FRMD6: variants seen among roughly 807,000 people sequenced by gnomAD.
FRMD6 encodes FERM domain containing 6.
In FRMD6, 37 loss-of-function variants were observed where a neutral mutation model predicts 73.2. The ratio of observed to expected loss-of-function variants is 0.51; its 90% CI spans 0.39 to 0.66. The LOEUF (loss-of-function observed/expected upper bound fraction) is 0.66, where lower values mean the gene tolerates loss of function less well. Ranked by LOEUF, FRMD6 falls within the 30% of genes least tolerant of loss-of-function variation. The probability of loss-of-function intolerance (pLI) is 0.00; values close to 1 mark genes in which losing one functional copy is unlikely to be tolerated. For missense variants in FRMD6, 714 were observed against 780.5 expected (o/e 0.91, Z 1.02); for synonymous variants, 273 against 282.2 (o/e 0.97, Z 0.33).
the FRMD6 span, among the ~76,000 whole-genome samples, chr14:51,469,015 A>G: frequency 6.6e-6 from 1 of 151,978 alleles, no homozygotes; most frequent in Admixed American, 6.6e-5. Context: ...ATCTCGGCTC[A>G]CTGCAAGCTT....
At chr14:51,680,852 T>C (rs956910277) in intron 1 of FRMD6, among the ~76,000 whole-genome samples, 5 of 152,206 alleles carry the variant, frequency 3.3e-5, no homozygotes, top group South Asian at 2.1e-4. Context: ...AATAACACTT[T>C]AGTGAGTACT....
At chr14:51,674,399 C>T (rs530983783) in intron 1 of FRMD6, among the ~76,000 whole-genome samples, 2 of 152,132 alleles carry the variant, frequency 1.3e-5, no homozygotes, top group South Asian at 2.1e-4. Context: ...TAGGATTGAG[C>T]GAGTAAGTGA....
chr14:51,726,029 C>G (rs1232648270), intron 13 of FRMD6, among the ~76,000 whole-genome samples, 159 bp downstream of exon 13: 1 of 152,158 alleles, frequency 6.6e-6, no homozygotes, highest in Non-Finnish European at 1.5e-5. Context: ...TTATTTCCAT[C>G]TTATTTGCTA....
intron 1 of FRMD6, among the ~76,000 whole-genome samples, chr14:51,548,433 C>T (rs1470435175): frequency 6.6e-6 from 1 of 152,166 alleles, no homozygotes; most frequent in African/African-American, 2.4e-5. Context: ...TGCGGGTCTG[C>T]AGCATGCAGT....
At chr14:51,498,765 C>T (rs369946272) in intron 1 of FRMD6, among the ~76,000 whole-genome samples, 3 of 152,134 alleles carry the variant, frequency 2.0e-5, no homozygotes, top group Admixed American at 6.5e-5. Context: ...TGACGAAACC[C>T]GGCATCGCAT....
At position 51,570,047 on chromosome 14, in the gene FRMD6, C is replaced by G. The variant is rs186159220; in HGVS notation, c.-209-301C>G. Among the ~76,000 whole-genome samples the G allele has an allele frequency of 6.0e-3, 913 of 152,140 alleles. 6 individuals carry two copies. Among genetic ancestry groups the G allele is most frequent in the Non-Finnish European group, 9.7e-3 (661 of 67,972 alleles). On this transcript the variant is annotated intron_variant, in intron 1 of 14. Transcript: ENST00000356218. Reference sequence around the variant, plus strand: ...AGCCAGGATGGTCTCGATCTCCTGACCTCGTGATCTGCCCACCTTGGCCTC... The same window carrying G: ...AGCCAGGATGGTCTCGATCTCCTGAGCTCGTGATCTGCCCACCTTGGCCTC...
upstream of FRMD6, among the ~76,000 whole-genome samples, chr14:51,488,873 C>T (rs1273742936): frequency 6.6e-6 from 1 of 152,210 alleles, no homozygotes; most frequent in East Asian, 1.9e-4. Context: ...ACACCGGCCT[C>T]TGCTTTTTTT....
intron 1 of FRMD6, among the ~76,000 whole-genome samples, chr14:51,537,619 C>T (rs557850413): frequency 1.3e-5 from 2 of 152,308 alleles, no homozygotes; most frequent in East Asian, 3.9e-4. Flanking sequence ...ATTTTGCATT[C>T]TCTGTAGCAA....
chr14:51,436,374 G>C, the FRMD6 span: 48 of 430,206 alleles, frequency 1.1e-4, no homozygotes, highest in South Asian at 7.6e-4. Flanking sequence ...GGAGGAGGAC[G>C]AAGAGGCAGT....
chr14:51,598,550 C>A (rs1889846170), intron 2 of FRMD6, among the ~76,000 whole-genome samples: 1 of 152,104 alleles, frequency 6.6e-6, no homozygotes, highest in Non-Finnish European at 1.5e-5. Context: ...TTTTTCAGCC[C>A]TTGTCTCCTT....
chr14:51,720,268 C>G lies in FRMD6; in HGVS notation c.1238C>G (p.Ser413Cys), dbSNP rs1566596294. 1 of 1,613,956 alleles carries G rather than the reference C, an allele frequency of 6.2e-7. No homozygotes were observed. The highest frequency in any genetic ancestry group is 2.2e-5 in the East Asian group (1 of 44,866). ...GACACGGGGCCAGAAGACAGCTACT[C>G]CAGCAGTGCCATCCACCGCAAGCTG... ...PRDTGPEDSY[S>C]SSAIHRKLKT... Residue 413 changes from serine to cysteine, a missense_variant, in exon 11 of 14, where the codon TCC (serine) becomes TGC (cysteine). Ser to Cys is a moderately radical substitution (Grantham distance 112). Transcript: ENST00000344768.
chr14:51,658,055 T>C (rs1304011894), intron 1 of FRMD6, among the ~76,000 whole-genome samples: 1 of 152,214 alleles, frequency 6.6e-6, no homozygotes, highest in Non-Finnish European at 1.5e-5. Flanking sequence ...CTACCAACTG[T>C]AGCTGTGCAG....
Position 51,679,305 on chromosome 14 carries a change from T to C in FRMD6, c.-146-10386T>C, listed in dbSNP as rs573034782. 2.6e-5 allele frequency among the ~76,000 whole-genome samples: 4 copies of C among 151,486 alleles called. No individual in the cohort carries two copies. The South Asian group carries it at 8.3e-4, about 31-fold the overall frequency. On this transcript the variant is annotated intron_variant, in intron 1 of 13. Transcript: ENST00000344768. ...TTATATAAAAATATACACACGTGTA[T>C]AGATGTATATATTTGCTATATATAA...
At chr14:51,684,426 A>C (rs1046778446) in intron 1 of FRMD6, among the ~76,000 whole-genome samples, 6 of 152,212 alleles carry the variant, frequency 3.9e-5, no homozygotes, top group African/African-American at 1.4e-4. Context: ...TTTAAAGTTC[A>C]AGCCAGATTT....
intron 1 of FRMD6, chr14:51,547,676 T>A (rs750482357): frequency 9.9e-5 from 15 of 152,212 alleles, no homozygotes; most frequent in Non-Finnish European, 2.2e-4. Context: ...CCCACCCAAA[T>A]GTGATTTGTT....
At chr14:51,622,511 C>A (rs1267171755) in intron 2 of FRMD6, among the ~76,000 whole-genome samples, 5 of 152,012 alleles carry the variant, frequency 3.3e-5, no homozygotes, top group African/African-American at 1.2e-4. Flanking sequence ...ATAGGAGGAA[C>A]TAAAGAAGAA....
At chr14:51,403,757 T>C in the FRMD6 span, among the ~76,000 whole-genome samples, 1 of 152,218 alleles carries the variant, frequency 6.6e-6, no homozygotes, top group East Asian at 1.9e-4. Context: ...TTTTTACAAG[T>C]ACCTGTAGTT....
chr14:51,452,142 G>A, the FRMD6 span, among the ~76,000 whole-genome samples: 11 of 152,184 alleles, frequency 7.2e-5, no homozygotes, highest in Non-Finnish European at 1.6e-4. Context: ...TAGCAAAACT[G>A]GCAAGAGATG....
the FRMD6 span, among the ~76,000 whole-genome samples, chr14:51,459,883 T>TA: frequency 9.5e-6 from 1 of 105,648 alleles, no homozygotes; most frequent in Non-Finnish European, 1.9e-5. Flanking sequence ...TTACTGACTC[T>TA]CTTTTTTTTT....
Sources: allele counts gnomAD v4.1 joint callset (sites outside exome capture counted in the v4.1 genomes callset), GRCh38; gene constraint gnomAD v4.1.1; transcripts MANE v1.5; gene names NCBI Gene and HGNC (gene_info 2026-07-23, HGNC 2026-07-21).